The following SH3BGRL2 variants were observed in gnomAD, a reference collection of about 807,000 sequenced individuals.
SH3BGRL2 encodes SH3 domain-binding glutamic acid-rich-like protein 2.
SH3BGRL2 carries 21 observed loss-of-function variants against 14.8 expected under a neutral mutation model. The observed-to-expected ratio is 1.42, with a 90% CI of 1.01 to 2.05. SH3BGRL2 has a LOEUF of 2.05. Among genes scored for constraint, SH3BGRL2 ranks in the 30% most tolerant of loss-of-function variants. SH3BGRL2 has a pLI of 0.00. For synonymous variants in SH3BGRL2, 50 were observed against 47.8 expected (o/e 1.05, Z -0.19); for missense variants, 147 against 130.8 (o/e 1.12, Z -0.61).
At chr6:79,655,247 A>G (rs1438010998) in intron 1 of SH3BGRL2, among the ~76,000 whole-genome samples, 3 of 152,082 alleles carry the variant, frequency 2.0e-5, no homozygotes, top group African/African-American at 7.2e-5. Flanking sequence ...GCTGCTGACT[A>G]CCTTATGGGA....
intron 2 of SH3BGRL2, among the ~76,000 whole-genome samples, chr6:79,675,116 A>G (rs1339560469): frequency 2.0e-5 from 3 of 152,200 alleles, no homozygotes; most frequent in Non-Finnish European, 2.9e-5. Context: ...CAAAGTATAT[A>G]GTTCAAAATA....
intron 1 of SH3BGRL2, among the ~76,000 whole-genome samples, chr6:79,668,964 A>G (rs1769717392): frequency 6.6e-6 from 1 of 152,178 alleles, no homozygotes; most frequent in African/African-American, 2.4e-5. Context: ...GGGATTGAGA[A>G]ATACTGTCAT....
chr6:79,552,793 T>C, the SH3BGRL2 span: 1 of 152,256 alleles, frequency 6.6e-6, no homozygotes, highest in East Asian at 1.9e-4. Flanking sequence ...CCAAGATTCC[T>C]TTGGGAAAGT....
intron 1 of SH3BGRL2, among the ~76,000 whole-genome samples, chr6:79,645,992 G>T (rs1769135922): frequency 6.6e-6 from 1 of 152,182 alleles, no homozygotes; most frequent in Non-Finnish European, 1.5e-5. Context: ...CCCTAAACCA[G>T]GGTTTGTCAT....
At chr6:79,670,959 C>T (rs1330641462) in intron 1 of SH3BGRL2, among the ~76,000 whole-genome samples, 2 of 151,490 alleles carry the variant, frequency 1.3e-5, no homozygotes, top group Non-Finnish European at 3.0e-5. Flanking sequence ...TCTCATTGGT[C>T]AGAACTGTGT....
intron 1 of SH3BGRL2, among the ~76,000 whole-genome samples, chr6:79,671,162 C>T (rs1769765534): frequency 6.6e-6 from 1 of 152,032 alleles, no homozygotes; most frequent in South Asian, 2.1e-4. Context: ...ACCTTCCACC[C>T]ATGGATCAAA....
intron 1 of SH3BGRL2, among the ~76,000 whole-genome samples, chr6:79,658,212 A>T (rs1437742831): frequency 6.6e-6 from 1 of 152,164 alleles, no homozygotes; most frequent in Non-Finnish European, 1.5e-5. Flanking sequence ...TTTGTTGCAT[A>T]GGTATACATG....
the SH3BGRL2 span, among the ~76,000 whole-genome samples, chr6:79,578,622 C>G: frequency 2.0e-5 from 3 of 152,174 alleles, no homozygotes; most frequent in African/African-American, 4.8e-5. Context: ...AAAAGGCCAT[C>G]TACACCAGCA....
chr6:79,570,509 A>G, the SH3BGRL2 span, among the ~76,000 whole-genome samples: 1 of 152,226 alleles, frequency 6.6e-6, no homozygotes, highest in South Asian at 2.1e-4. Context: ...TGTAAATGTC[A>G]TGTTGTAACT....
At chr6:79,565,067 G>A in the SH3BGRL2 span, among the ~76,000 whole-genome samples, 33 of 152,262 alleles carry the variant, frequency 2.2e-4, no homozygotes, top group African/African-American at 5.8e-4. Context: ...ATTCAGTTAA[G>A]ATAATTGCTC....
Position 79,699,674 on chromosome 6 carries a change from G to A in SH3BGRL2, c.*165G>A. The A allele has an allele frequency of 1.0e-6, 1 of 983,904 alleles. No individual in the cohort carries two copies. The highest frequency in any genetic ancestry group is 1.4e-6 in the Non-Finnish European group (1 of 718,352). The allele number at this position is 983,904 out of a possible 1,614,324, so 60.9% of individuals were successfully genotyped here. A position where few individuals can be genotyped will look rare whatever the true frequency, so the allele number is the denominator to read the frequency against. On this transcript the variant is annotated 3_prime_UTR_variant, in exon 4 of 4. Transcript: ENST00000369838. Reference sequence around the variant, plus strand: ...GAAAGATGTGGCTATAATGAGAATTGCATGATTGCTTTAAACCAAATCAGG... The same window carrying A: ...GAAAGATGTGGCTATAATGAGAATTACATGATTGCTTTAAACCAAATCAGG...
Position 79,702,389 on chromosome 6 carries a change from A to C in SH3BGRL2, c.*2880A>C, listed in dbSNP as rs923487535. 6.6e-6 allele frequency: 1 copy of C among 152,618 alleles called. No homozygotes were observed. Among genetic ancestry groups the C allele is most frequent in the African/African-American group, 2.4e-5 (1 of 41,452 alleles). 9.5% of individuals were successfully genotyped at this position (152,618 alleles called of 1,614,324 possible). A position where few individuals can be genotyped will look rare whatever the true frequency, so the allele number is the denominator to read the frequency against. On this transcript the variant is annotated 3_prime_UTR_variant, in exon 4 of 4. Transcript: ENST00000369838. ...CAGCTTTTGTTAAGTGTCAGGCTGC[A>C]CTTTGCTCCATATAATTATTGTTTT...
intron 1 of SH3BGRL2, among the ~76,000 whole-genome samples, chr6:79,642,398 C>G (rs1024315478): frequency 6.6e-6 from 1 of 152,086 alleles, no homozygotes; most frequent in Non-Finnish European, 1.5e-5. Flanking sequence ...CTAAGGGACA[C>G]CAAATATACT....
chr6:79,562,611 G>A, the SH3BGRL2 span, among the ~76,000 whole-genome samples: 2 of 152,046 alleles, frequency 1.3e-5, no homozygotes, highest in African/African-American at 4.8e-5. Context: ...CACACACACT[G>A]ACCACATACC....
At chr6:79,545,004 C>A in the SH3BGRL2 span, among the ~76,000 whole-genome samples, 2 of 152,142 alleles carry the variant, frequency 1.3e-5, no homozygotes, top group Admixed American at 1.3e-4. Flanking sequence ...AGCAACTGAT[C>A]TGATGCAGTG....
At chr6:79,685,756 G>T (rs188399067) in intron 2 of SH3BGRL2, among the ~76,000 whole-genome samples, 11 of 152,230 alleles carry the variant, frequency 7.2e-5, no homozygotes, top group African/African-American at 2.6e-4. Flanking sequence ...ATAGAGGAGG[G>T]TATGTAATCC....
chr6:79,630,919 G>T (rs546494584), upstream of SH3BGRL2, among the ~76,000 whole-genome samples: 1 of 152,308 alleles, frequency 6.6e-6, no homozygotes, highest in African/African-American at 2.4e-5. Context: ...GCTGGGGTTT[G>T]CCCGGTACGC....
the SH3BGRL2 span, among the ~76,000 whole-genome samples, chr6:79,573,173 T>C: frequency 6.6e-6 from 1 of 152,198 alleles, no homozygotes; most frequent in East Asian, 1.9e-4. Flanking sequence ...ATTTTGTACA[T>C]CATGTGAGGT....
At chr6:79,641,875 T>C (rs992484293) in intron 1 of SH3BGRL2, among the ~76,000 whole-genome samples, 3 of 152,194 alleles carry the variant, frequency 2.0e-5, no homozygotes, top group Non-Finnish European at 4.4e-5. Context: ...GGAGAGATTT[T>C]AGTAAATTTA....
Sources: gnomAD v4.1 joint callset for allele counts (sites outside exome capture counted in the v4.1 genomes callset) on GRCh38, gnomAD v4.1.1 for gene constraint, MANE v1.5 for transcripts, NCBI Gene and HGNC (gene_info 2026-07-23, HGNC 2026-07-21) for gene names.